Variants in HAUS1 observed in about 807,000 individuals in gnomAD.
The protein encoded by HAUS1 is HAUS augmin like complex subunit 1.
A neutral mutation model predicts 38.6 loss-of-function variants in HAUS1; 25 were observed. The observed-to-expected ratio is 0.65, with a 90% CI of 0.47 to 0.91. The LOEUF is 0.91. HAUS1 is among the 40% of genes least tolerant of loss of function. HAUS1 has a pLI of 0.00. For missense variants in HAUS1, 325 were observed against 328.4 expected (o/e 0.99, Z 0.08); for synonymous variants, 109 against 112.9 (o/e 0.97, Z 0.22).
At chr18:46,116,515 T>C (rs1312147205) in intron 2 of HAUS1, among the ~76,000 whole-genome samples, 1 of 151,818 alleles carries the variant, frequency 6.6e-6, no homozygotes, top group African/African-American at 2.4e-5. Context: ...GAGCTGAGAT[T>C]GTACCATTGT....
intron 2 of HAUS1, among the ~76,000 whole-genome samples, chr18:46,114,783 G>A (rs1911758600): frequency 6.6e-6 from 1 of 152,212 alleles, no homozygotes; most frequent in African/African-American, 2.4e-5. Context: ...ACCTCAGTGA[G>A]CTGGAAGGGA....
chr18:46,113,365 C>G (rs572253812), intron 2 of HAUS1, among the ~76,000 whole-genome samples: 2 of 152,200 alleles, frequency 1.3e-5, no homozygotes, highest in East Asian at 3.9e-4. Flanking sequence ...GCGTGAGCCA[C>G]CATGCCCAGC....
chr18:46,124,356 G>T (rs1912035594), intron 6 of HAUS1, among the ~76,000 whole-genome samples: 1 of 148,632 alleles, frequency 6.7e-6, no homozygotes, highest in South Asian at 2.1e-4. Context: ...GGCGGAGGTT[G>T]CAGTGGGCCG....
At chr18:46,104,807 C>T (rs914427450) in intron 1 of HAUS1, among the ~76,000 whole-genome samples, 3 of 152,150 alleles carry the variant, frequency 2.0e-5, no homozygotes, top group Non-Finnish European at 4.4e-5. Context: ...TGGGAGCCTC[C>T]CGGCGCGGCG....
chr18:46,117,372 G>T (rs1399735810), intron 2 of HAUS1, among the ~76,000 whole-genome samples: 1 of 152,226 alleles, frequency 6.6e-6, no homozygotes, highest in Non-Finnish European at 1.5e-5. Flanking sequence ...TGAAGTACTG[G>T]TACATGCTGT....
chr18:46,116,046 C>G (rs927533646), intron 2 of HAUS1, among the ~76,000 whole-genome samples: 4 of 150,000 alleles, frequency 2.7e-5, no homozygotes, highest in African/African-American at 9.8e-5. Context: ...GCAGAGGTTG[C>G]AGTGAACCGA....
Position 46,106,937 on chromosome 18 carries a change from C to T in HAUS1, c.205+1569C>T, listed in dbSNP as rs984683147. ...GGCTGAGGCGGGAGAAATTCTTGAA[C>T]CCGGGAGGTGGAGGCTGAAGTGAGC... On this transcript the variant is annotated intron_variant, in intron 2 of 8. Coordinates refer to ENST00000282058, the MANE Select transcript of HAUS1 (RefSeq NM_138443.4). 3.3e-5 allele frequency: 5 copies of T among 152,030 alleles called. 1 individual carries two copies. Among genetic ancestry groups the T allele is most frequent in the Admixed American group, 6.6e-5 (1 of 15,228 alleles). The allele number at this position is 152,030 out of a possible 1,614,324, so 9.4% of individuals were successfully genotyped here. A position where few individuals can be genotyped will look rare whatever the true frequency, so the allele number is the denominator to read the frequency against.
At position 46,123,276 on chromosome 18, in the gene HAUS1, ACTC is replaced by A. The variant is rs1568266569; in HGVS notation, c.601-20_601-18del. On this transcript the variant is annotated intron_variant, in intron 5 of 8. Coordinates refer to ENST00000282058, the MANE Select transcript of HAUS1 (RefSeq NM_138443.4). Reference sequence around the variant, plus strand: ...ACTTTTCAAATAATTTTTTAACTGAACTCCTTTTTTTGGTAATTGTAGGAGCAA... The same window carrying A: ...ACTTTTCAAATAATTTTTTAACTGAACTTTTTTTGGTAATTGTAGGAGCAA... 6.5e-7 allele frequency: 1 copy of A among 1,537,472 alleles called. No homozygotes were observed. Among genetic ancestry groups the A allele is most frequent in the Admixed American group, 1.8e-5 (1 of 54,546 alleles).
chr18:46,104,566 T>G, intron 1 of HAUS1, 125 bp downstream of exon 1: 1 of 772,460 alleles, frequency 1.3e-6, no homozygotes, highest in South Asian at 3.2e-5. Context: ...CACATCCGTC[T>G]TTTAGTGCCG....
At chr18:46,107,434 A>G (rs1173264427) in intron 2 of HAUS1, among the ~76,000 whole-genome samples, 3 of 152,182 alleles carry the variant, frequency 2.0e-5, no homozygotes, top group African/African-American at 7.2e-5. Context: ...TAAATAACAA[A>G]TGTTCTAACT....
intron 8 of HAUS1, among the ~76,000 whole-genome samples, chr18:46,127,474 AGTG>A (rs1254391727): frequency 6.6e-6 from 1 of 151,598 alleles, no homozygotes; most frequent in Non-Finnish European, 1.5e-5. Flanking sequence ...TGGGAGGCCA[AGTG>A]GGTGGATCAA....
intron 3 of HAUS1, among the ~76,000 whole-genome samples, chr18:46,118,982 C>A (rs935151361): frequency 2.0e-5 from 3 of 152,168 alleles, no homozygotes; most frequent in Non-Finnish European, 4.4e-5. Flanking sequence ...ATTCTCCTAC[C>A]TCAGCCTCCC....
intron 2 of HAUS1, chr18:46,109,866 C>T: frequency 6.6e-6 from 1 of 152,350 alleles, no homozygotes; most frequent in Non-Finnish European, 1.5e-5. Context: ...ATGATCCGCC[C>T]ACCTCGGCCT....
chr18:46,105,371 G>A lies in HAUS1; in HGVS notation c.205+3G>A. 1 of 1,609,574 alleles carries A rather than the reference G, an allele frequency of 6.2e-7. No homozygotes were observed. The highest frequency in any genetic ancestry group is 8.5e-7 in the Non-Finnish European group (1 of 1,177,424). Reference sequence around the variant, plus strand: ...AGCAAGTGAATACGAGTCAGAAGGTGAGATTAAGTCCAGAGTTTTGAACGA... The same window carrying A: ...AGCAAGTGAATACGAGTCAGAAGGTAAGATTAAGTCCAGAGTTTTGAACGA... On this transcript the variant is annotated splice_donor_region_variant and intron_variant, in intron 2 of 8. Coordinates refer to ENST00000282058, the MANE Select transcript of HAUS1 (RefSeq NM_138443.4).
At chr18:46,112,175 G>A (rs1015697871) in intron 2 of HAUS1, among the ~76,000 whole-genome samples, 44 of 147,784 alleles carry the variant, frequency 3.0e-4, no homozygotes, top group African/African-American at 8.4e-4. Context: ...GTGAACTACC[G>A]CACCTGGCCT....
At chr18:46,104,543 C>T (rs1229266305) in intron 1 of HAUS1, 102 bp downstream of exon 1, 2 of 989,056 alleles carry the variant, frequency 2.0e-6, no homozygotes, top group East Asian at 6.4e-5. Context: ...CTACTTTTCT[C>T]TCCCCTATTC....
chr18:46,124,747 T>C (rs1279020994), intron 6 of HAUS1, 75 bp from the exon 7 acceptor site: 1 of 771,970 alleles, frequency 1.3e-6, no homozygotes. Context: ...TGTTGTGTTT[T>C]ATTTCAGAAA....
At position 46,119,930 on chromosome 18, in the gene HAUS1, A is replaced by T; in HGVS notation, c.346A>T (p.Ile116Phe). 6.3e-7 allele frequency: 1 copy of T among 1,588,162 alleles called. No homozygotes were observed. Among genetic ancestry groups the T allele is most frequent in the Non-Finnish European group, 8.5e-7 (1 of 1,172,406 alleles). Reference protein sequence around the residue: ...ETKDTSLASFIPAVNDLTSDL... With the variant: ...ETKDTSLASFFPAVNDLTSDL... Reference sequence around the variant, plus strand: ...ATGACCAGATTCTTCTTTTAGTTTTATCCCTGCAGTGAATGATTTGACCTC... The same window carrying T: ...ATGACCAGATTCTTCTTTTAGTTTTTTCCCTGCAGTGAATGATTTGACCTC... The change falls in exon 4 of 9, where the codon ATC (isoleucine) becomes TTC (phenylalanine). Residue 116 changes from isoleucine to phenylalanine, a missense_variant. Transcript: ENST00000282058.
chr18:46,123,179 C>T (rs1343684178), intron 5 of HAUS1, 120 bp from the exon 6 acceptor site: 3 of 685,632 alleles, frequency 4.4e-6, no homozygotes, highest in Admixed American at 5.0e-5. Flanking sequence ...CCACTGCACT[C>T]CAGCCTGGGT....
Sources: gnomAD v4.1 joint callset for allele counts (sites outside exome capture counted in the v4.1 genomes callset) on GRCh38, gnomAD v4.1.1 for gene constraint, MANE v1.5 for transcripts, NCBI Gene and HGNC (gene_info 2026-07-23, HGNC 2026-07-21) for gene names.